Variants in UBR3 observed in about 807,000 individuals in gnomAD.
The protein encoded by UBR3 is E3 ubiquitin-protein ligase UBR3.
Under a neutral mutation model 243.2 loss-of-function variants are expected in UBR3, and 85 were observed. The ratio of observed to expected loss-of-function variants is 0.35; its 90% CI spans 0.29 to 0.42. UBR3 has a LOEUF of 0.42. UBR3 is among the 10% of genes least tolerant of loss of function. The probability of loss-of-function intolerance (pLI) is 1.00; values close to 1 mark genes in which losing one functional copy is unlikely to be tolerated. For synonymous variants in UBR3, 748 were observed against 799.8 expected (o/e 0.94, Z 1.09); for missense variants, 1,686 against 2,300.8 (o/e 0.73, Z 5.47).
intron 2 of UBR3, among the ~76,000 whole-genome samples, chr2:169,874,873 G>T (rs1000102163): frequency 6.6e-6 from 1 of 151,812 alleles, no homozygotes; most frequent in Non-Finnish European, 1.5e-5. Context: ...GTTTGTTTTT[G>T]TTTTAAAAAA....
At chr2:169,884,609 C>G (rs2084021262) in intron 5 of UBR3, among the ~76,000 whole-genome samples, 1 of 152,080 alleles carries the variant, frequency 6.6e-6, no homozygotes. Context: ...GTTGTGTATC[C>G]TGTTTTAATC....
rs146496272 is a variant in UBR3 at position 170,069,598 on chromosome 2, C to T, written c.5020-3830C>T. Among the ~76,000 whole-genome samples, 5 of 151,920 alleles carry T rather than the reference C, an allele frequency of 3.3e-5. No homozygotes were observed. In the East Asian group the frequency reaches 7.7e-4, roughly 24 times the overall value. On this transcript the variant is annotated intron_variant, in intron 35 of 38. Transcript: ENST00000272793. ...TTGGCCAACATCTCCCCATTTCTCC[C>T]AGACCCTGGCAACCACCGTTCTACT...
intron 24 of UBR3, among the ~76,000 whole-genome samples, chr2:169,977,531 C>G (rs970540973): frequency 3.3e-5 from 5 of 152,106 alleles, no homozygotes; most frequent in Non-Finnish European, 5.9e-5. Flanking sequence ...GGTCCCAAAG[C>G]CCAAAGGCCA....
chr2:170,041,896 T>C (rs1433896055), intron 32 of UBR3, among the ~76,000 whole-genome samples: 1 of 152,240 alleles, frequency 6.6e-6, no homozygotes, highest in Non-Finnish European at 1.5e-5. Context: ...AACAATATCA[T>C]TGATAAGCAT....
chr2:169,941,918 T>C (rs1195195188), intron 19 of UBR3, among the ~76,000 whole-genome samples: 1 of 152,170 alleles, frequency 6.6e-6, no homozygotes, highest in South Asian at 2.1e-4. Context: ...CTGTCAAGGG[T>C]CTCAGCTTTA....
chr2:170,028,141 C>G (rs2090579376), intron 30 of UBR3, among the ~76,000 whole-genome samples: 1 of 151,820 alleles, frequency 6.6e-6, no homozygotes, highest in Non-Finnish European at 1.5e-5. Context: ...ATAGAGAGAT[C>G]AGATTGAAAC....
chr2:169,894,557 C>T (rs901309403), intron 6 of UBR3, among the ~76,000 whole-genome samples: 7 of 152,042 alleles, frequency 4.6e-5, no homozygotes, highest in African/African-American at 1.7e-4. Flanking sequence ...CTAATAAGGA[C>T]TGATTCAAGC....
chr2:169,913,981 C>A, intron 10 of UBR3, 79 bp from the exon 11 acceptor site: 1 of 545,748 alleles, frequency 1.8e-6, no homozygotes, highest in Non-Finnish European at 2.8e-6. Context: ...ATACACAATG[C>A]ATATAATTAC....
intron 18 of UBR3, among the ~76,000 whole-genome samples, chr2:169,931,892 A>G (rs1046768682): frequency 1.4e-4 from 21 of 152,168 alleles, no homozygotes; most frequent in Non-Finnish European, 2.5e-4. Context: ...GAAAAGCTTT[A>G]TATACTTAAT....
intron 1 of UBR3, among the ~76,000 whole-genome samples, chr2:169,863,524 A>G (rs986343922): frequency 2.6e-5 from 4 of 152,146 alleles, no homozygotes; most frequent in East Asian, 1.9e-4. Flanking sequence ...TTGCAAATCT[A>G]TTGGGTTCCT....
chr2:169,980,205 C>T (rs150164478), intron 24 of UBR3, among the ~76,000 whole-genome samples: 2 of 152,132 alleles, frequency 1.3e-5, no homozygotes, highest in African/African-American at 2.4e-5. Context: ...GATTTCTCGC[C>T]GTTGGAGTAA....
At chr2:170,020,025 CCCACCTTGGCCT>C (rs1319796706) in intron 30 of UBR3, among the ~76,000 whole-genome samples, 1 of 152,134 alleles carries the variant, frequency 6.6e-6, no homozygotes, top group Non-Finnish European at 1.5e-5. Context: ...AAGCAATCCT[CCCACCTTGGCCT>C]CCCAAAGTGC....
chr2:169,977,753 C>G (rs900566441), intron 24 of UBR3, among the ~76,000 whole-genome samples: 1 of 152,172 alleles, frequency 6.6e-6, no homozygotes, highest in African/African-American at 2.4e-5. Context: ...CTCTGGAAAA[C>G]CCTCACAGAC....
intron 25 of UBR3, among the ~76,000 whole-genome samples, chr2:169,988,435 G>T (rs1313721242): frequency 6.6e-6 from 1 of 152,066 alleles, no homozygotes; most frequent in Non-Finnish European, 1.5e-5. Context: ...GTATATGCTA[G>T]CTAGACCAAT....
Position 170,079,800 on chromosome 2 carries a change from G to T in UBR3, c.5200-14G>T. On this transcript the variant is annotated splice_polypyrimidine_tract_variant and intron_variant, in intron 36 of 38. Coordinates refer to ENST00000272793, the MANE Select transcript of UBR3 (RefSeq NM_172070.4). ...ATACATAAAACTAATGAATATTTTT[G>T]GATAATGTTTTAGGCCTTGCTTATC... The T allele has an allele frequency of 6.3e-7, 1 of 1,594,358 alleles. No individual in the cohort carries two copies. Among genetic ancestry groups the T allele is most frequent in the South Asian group, 1.1e-5 (1 of 87,648 alleles).
chr2:169,937,601 G>T (rs2086394866), intron 19 of UBR3, among the ~76,000 whole-genome samples: 1 of 152,150 alleles, frequency 6.6e-6, no homozygotes, highest in South Asian at 2.1e-4. Context: ...GTCCGGAATG[G>T]TATTGCCCAG....
chr2:170,067,582 C>T (rs566774007), intron 35 of UBR3, among the ~76,000 whole-genome samples: 43 of 152,070 alleles, frequency 2.8e-4, no homozygotes, highest in Middle Eastern at 3.4e-3. Flanking sequence ...CATGGAATAT[C>T]GTTCATTAGA....
chr2:169,871,428 A>AC (rs2083435470), intron 1 of UBR3, among the ~76,000 whole-genome samples: 1 of 151,972 alleles, frequency 6.6e-6, no homozygotes, highest in Admixed American at 6.6e-5. Context: ...AAAAAAAAAA[A>AC]AACAGTTAAC....
chr2:170,012,580 G>C (rs1489213642), intron 29 of UBR3, among the ~76,000 whole-genome samples: 1 of 152,014 alleles, frequency 6.6e-6, no homozygotes, highest in African/African-American at 2.4e-5. Context: ...ATATGTGTAA[G>C]TCCTTCTTTC....
Sources: allele counts gnomAD v4.1 joint callset (sites outside exome capture counted in the v4.1 genomes callset), GRCh38; gene constraint gnomAD v4.1.1; transcripts MANE v1.5; gene names NCBI Gene and HGNC (gene_info 2026-07-23, HGNC 2026-07-21).